UNC79: variants seen among roughly 807,000 people sequenced by gnomAD.
The protein encoded by UNC79 is protein unc-79 homolog.
In UNC79, 37 loss-of-function variants were observed where a neutral mutation model predicts 283.1. The observed-to-expected ratio is 0.13, with a 90% confidence interval of 0.10 to 0.17. The LOEUF is 0.17. Among genes scored for constraint, UNC79 ranks in the 10% least tolerant of loss-of-function variants. The pLI is 1.00. For missense variants in UNC79, 2,272 were observed against 3,211.1 expected, an observed-to-expected ratio of 0.71 and a Z score of 7.07; for synonymous variants, 1,107 against 1,200.2, an observed-to-expected ratio of 0.92 and a Z score of 1.61.
At chr14:93,389,475 G>A (rs886613145) in intron 1 of UNC79, among the ~76,000 whole-genome samples, 8 of 152,076 alleles carry the variant, frequency 5.3e-5, no homozygotes, top group Admixed American at 2.6e-4. Flanking sequence ...TTTCCTGGAG[G>A]CAATTTTCAT....
intron 24 of UNC79, among the ~76,000 whole-genome samples, chr14:93,598,017 T>C (rs2065198567): frequency 1.3e-5 from 2 of 152,206 alleles, no homozygotes; most frequent in African/African-American, 4.8e-5. Context: ...CCACTTTTTT[T>C]TTAAGACACA....
chr14:93,358,469 G>A (rs1029120674), intron 1 of UNC79, among the ~76,000 whole-genome samples: 1 of 152,176 alleles, frequency 6.6e-6, no homozygotes, highest in Non-Finnish European at 1.5e-5. Context: ...AGCTGAAATT[G>A]TAGAAAAACA....
exon 30 of UNC79, chr14:93,622,650 G>A: frequency 1.2e-6 from 2 of 1,614,178 alleles, no homozygotes; most frequent in Admixed American, 3.3e-5. Context: ...CCTGATACCA[G>A]TGCAGAATCT....
rs139602393 is a variant in UNC79, at chr14:93,604,956, C to T, written c.3754+1538C>T. On this transcript the variant is annotated intron_variant, in intron 26 of 48. Coordinates refer to ENST00000555664, the Ensembl canonical transcript of UNC79. ...GCTCTCGGTGGGACACCCGAACAGA[C>T]GCCAGGTGGGTACTTCTGACATTGA... The T allele has an allele frequency of 6.2e-4, 973 of 1,574,688 alleles. 9 individuals are homozygous for T. The African/African-American group carries it at 0.01, about 17-fold the overall frequency.
At chr14:93,419,161 G>A (rs1048692221) in intron 1 of UNC79, among the ~76,000 whole-genome samples, 3 of 150,350 alleles carry the variant, frequency 2.0e-5, no homozygotes, top group African/African-American at 7.3e-5. Context: ...GGCCATCTTG[G>A]CTCCACACCT....
chr14:93,604,752 A>T, intron 26 of UNC79, 144 bp from the exon 27 acceptor site: 1 of 798,368 alleles, frequency 1.3e-6, no homozygotes, highest in Non-Finnish European at 1.8e-6. Context: ...AACGTTTGTT[A>T]CATAAACAAC....
At chr14:93,584,093 A>G (rs752518117) in intron 20 of UNC79, among the ~76,000 whole-genome samples, 2 of 152,166 alleles carry the variant, frequency 1.3e-5, no homozygotes, top group African/African-American at 2.4e-5. Flanking sequence ...AGCATGAGCC[A>G]CCACACCCGG....
intron 1 of UNC79, chr14:93,348,012 T>C (rs371446880): frequency 4.1e-4 from 629 of 1,541,392 alleles, no homozygotes; most frequent in Non-Finnish European, 5.3e-4. Context: ...GCAGCGCGTG[T>C]CATCTTCTCT....
chr14:93,397,565 A>G (rs1037210234), intron 1 of UNC79, among the ~76,000 whole-genome samples: 15 of 151,964 alleles, frequency 9.9e-5, no homozygotes, highest in Admixed American at 8.5e-4. Flanking sequence ...AAATGCTACA[A>G]CCTGGGCCCT....
chr14:93,408,238 G>C (rs145085394), intron 1 of UNC79, among the ~76,000 whole-genome samples: 1 of 152,138 alleles, frequency 6.6e-6, no homozygotes, highest in Non-Finnish European at 1.5e-5. Context: ...AAGAACACAC[G>C]AGTAATATAA....
At chr14:93,357,143 G>A (rs974806683) in intron 1 of UNC79, among the ~76,000 whole-genome samples, 8 of 152,166 alleles carry the variant, frequency 5.3e-5, no homozygotes, top group African/African-American at 1.4e-4. Context: ...CACTTAGGAC[G>A]TGTGTTAATT....
At chr14:93,355,788 A>G (rs2054074924) in intron 1 of UNC79, among the ~76,000 whole-genome samples, 1 of 152,140 alleles carries the variant, frequency 6.6e-6, no homozygotes, top group African/African-American at 2.4e-5. Context: ...TATCCTATCA[A>G]TGCACCAGTT....
At chr14:93,375,209 C>A (rs150705976) in intron 1 of UNC79, among the ~76,000 whole-genome samples, 14 of 151,988 alleles carry the variant, frequency 9.2e-5, no homozygotes, top group Admixed American at 9.2e-4. Context: ...ATTGCAAAAC[C>A]CTGTCTCTAC....
At position 93,479,214 on chromosome 14, in the gene UNC79, TCC is replaced by T. The variant is rs2140371854; in HGVS notation, c.619+1487_619+1488del. The stretch of plus-strand genomic sequence containing the variant: ...TTCCTTCCTTCCTTCCTTCCTTCCT[TCC>T]TTCCTTCCTTCCTTTCCTTCCTTCC... On this transcript the variant is annotated intron_variant, in intron 4 of 48. Transcript: ENST00000555664. 1.3e-5 allele frequency among the ~76,000 whole-genome samples: 2 copies of T among 149,044 alleles called. 1 individual carries two copies. Among genetic ancestry groups the T allele is most frequent in the South Asian group, 4.3e-4 (2 of 4,620 alleles).
chr14:93,689,838 G>A, intron 44 of UNC79: 2 of 377,756 alleles, frequency 5.3e-6, no homozygotes, highest in Non-Finnish European at 9.4e-6. Context: ...TTTAGAAAGA[G>A]AAGCTAGTCA....
chr14:93,345,561 T>C (rs1055630743), intron 1 of UNC79, among the ~76,000 whole-genome samples: 1 of 152,178 alleles, frequency 6.6e-6, no homozygotes, highest in African/African-American at 2.4e-5. Context: ...TAGTATGTTT[T>C]AAAACTATAA....
At chr14:93,524,243 A>G (rs769718916) in intron 8 of UNC79, among the ~76,000 whole-genome samples, 34 of 152,216 alleles carry the variant, frequency 2.2e-4, no homozygotes, top group Non-Finnish European at 3.4e-4. Context: ...AGTTTTGGCT[A>G]TGCGTTCGTA....
chr14:93,520,256 C>A (rs756570773), intron 7 of UNC79, among the ~76,000 whole-genome samples: 3 of 151,808 alleles, frequency 2.0e-5, no homozygotes, highest in Non-Finnish European at 2.9e-5. Context: ...TTGTTTCTGA[C>A]GAGAAATCAG....
intron 20 of UNC79, 21 bp downstream of exon 20, chr14:93,582,365 G>A (rs749719273): frequency 6.2e-6 from 10 of 1,610,292 alleles, no homozygotes; most frequent in South Asian, 5.5e-5. Context: ...ACTGACTGCC[G>A]GGGAATGCGC....
Sources: allele counts gnomAD v4.1 joint callset (sites outside exome capture counted in the v4.1 genomes callset), GRCh38; gene constraint gnomAD v4.1.1; transcripts MANE v1.5; gene names NCBI Gene and HGNC (gene_info 2026-07-23, HGNC 2026-07-21).